The following UBTF variants were observed in gnomAD, a reference collection of about 807,000 sequenced individuals.
The protein encoded by UBTF is nucleolar transcription factor 1.
UBTF carries 8 observed loss-of-function variants against 112.3 expected under a neutral mutation model. The observed-to-expected ratio is 0.07, with a 90% CI of 0.04 to 0.13. The LOEUF is 0.13. UBTF is among the 10% of genes least tolerant of loss of function. The probability of loss-of-function intolerance (pLI) is 1.00; values close to 1 mark genes in which losing one functional copy is unlikely to be tolerated. For synonymous variants in UBTF, 417 were observed against 373.1 expected (o/e 1.12, Z -1.36); for missense variants, 457 against 982.1 (o/e 0.47, Z 7.15).
At chr17:44,216,476 C>G (rs1354844435) in intron 3 of UBTF, 53 bp downstream of exon 3, 1 of 1,598,298 alleles carries the variant, frequency 6.3e-7, no homozygotes, top group Non-Finnish European at 8.6e-7. Context: ...TCACTTCCCC[C>G]ACCACGCTGA....
At position 44,213,285 on chromosome 17, in the gene UBTF, G is replaced by A; in HGVS notation, c.475-3C>T. ...TGGAAGTCCTGAATATATTTCATCT[G>A]GGGGGAGGAGGGGATGGGGTCACTC... is the stretch of plus-strand genomic sequence containing the variant. On this transcript the variant is annotated splice_region_variant and splice_polypyrimidine_tract_variant and intron_variant, in intron 5 of 20. Transcript: ENST00000436088. 1.9e-6 allele frequency: 3 copies of A among 1,612,766 alleles called. No homozygotes were observed. Among genetic ancestry groups the A allele is most frequent in the Non-Finnish European group, 1.7e-6 (2 of 1,179,360 alleles).
In UBTF at chr17:44,211,867, G is replaced by T. The variant is rs781383220; in HGVS notation, c.905+6C>A. 6.2e-7 allele frequency: 1 copy of T among 1,612,568 alleles called. No homozygotes were observed. The highest frequency in any genetic ancestry group is 8.5e-7 in the Non-Finnish European group (1 of 1,179,722). ...ACTCGCCCACCCATCCCAGGGCAGC[G>T]CTCACGGAGGTGGCTTGGTGGGTCG... On this transcript the variant is annotated splice_donor_region_variant and intron_variant, in intron 9 of 20. Transcript: ENST00000436088. This position sits in a 1 kb window ranked among gnomAD's most constrained non-coding sequence, Gnocchi z 4.9.
chr17:44,210,717 G>A, intron 13 of UBTF, 75 bp downstream of exon 13: 1 of 1,533,440 alleles, frequency 6.5e-7, no homozygotes, highest in Admixed American at 2.0e-5. Flanking sequence ...GGGGCGAGGT[G>A]GCACGGCCCG....
chr17:44,220,446 C>T (rs1047802703), upstream of UBTF, among the ~76,000 whole-genome samples: 1 of 152,026 alleles, frequency 6.6e-6, no homozygotes, highest in Admixed American at 6.5e-5. Flanking sequence ...CCGATCGCGG[C>T]GTCCAGCTTC....
chr17:44,216,064 T>C (rs777069793), intron 3 of UBTF, 75 bp from the exon 4 acceptor site: 783 of 1,195,800 alleles, frequency 6.5e-4, no homozygotes, highest in Non-Finnish European at 9.3e-4. Flanking sequence ...CCCCATCTTA[T>C]AACGGGTCTC....
chr17:44,216,017 GA>G (rs1342184891), intron 3 of UBTF, 28 bp from the exon 4 acceptor site: 5 of 1,591,566 alleles, frequency 3.1e-6, no homozygotes, highest in Admixed American at 3.3e-5. Flanking sequence ...GGAGGAAGGG[GA>G]AGTTGGGAAA....
chr17:44,207,002 C>T lies in UBTF; in HGVS notation c.*240G>A. On this transcript the variant is annotated 3_prime_UTR_variant, in exon 21 of 21. Transcript: ENST00000436088. ...CAGGCTGGTCCGGTGCTGGCTTAGTCTGATAGTTGCTGTCCCTGGAGGAGG... is the reference window on the plus strand; with the variant it reads ...CAGGCTGGTCCGGTGCTGGCTTAGTTTGATAGTTGCTGTCCCTGGAGGAGG... 1.7e-6 allele frequency: 1 copy of T among 580,256 alleles called. No homozygotes were observed. The highest frequency in any genetic ancestry group is 3.0e-6 in the Non-Finnish European group (1 of 330,716). The allele number at this position is 580,256 out of a possible 1,614,324, so 35.9% of individuals were successfully genotyped here.
rs140353172 is a variant in UBTF, at chr17:44,205,799, A to G, written c.*1443T>C. ...AGAACCCCCCAAATTTAGTCAACAA[A>G]AAAATAAGAACTACAGAGATAAGGT... On this transcript the variant is annotated 3_prime_UTR_variant, in exon 21 of 21. Transcript: ENST00000436088. The G allele has an allele frequency of 6.6e-6, 1 of 152,238 alleles. No homozygotes were observed. Among genetic ancestry groups the G allele is most frequent in the African/African-American group, 2.4e-5 (1 of 41,456 alleles). The allele number at this position is 152,238 out of a possible 1,614,324, so 9.4% of individuals were successfully genotyped here.
chr17:44,217,892 G>C (rs751695149), intron 2 of UBTF, among the ~76,000 whole-genome samples: 5 of 152,154 alleles, frequency 3.3e-5, no homozygotes, highest in Non-Finnish European at 5.9e-5. Context: ...CACTGGGCTG[G>C]GACACACTTC....
Position 44,210,450 on chromosome 17 carries a change from C to T in UBTF, c.1383G>A (p.Ala461=), listed in dbSNP as rs756576436. 30 of 1,612,114 alleles carry T rather than the reference C, an allele frequency of 1.9e-5. No homozygotes were observed. The highest frequency in any genetic ancestry group is 2.5e-5 in the Non-Finnish European group (29 of 1,179,802). The change falls in exon 14 of 21, where the codon GCG becomes GCA. Residue 461 remains alanine, a synonymous_variant. Coordinates refer to ENST00000436088, the MANE Select transcript of UBTF (RefSeq NM_014233.4). ...TCCTCTCCGACTGAGCCTTGAGCGC[C>T]GCCTCTCGGGCCTTGTACTTGGCCT... The part of the protein sequence containing the change: ...KKKAKYKARE[A]ALKAQSERKP...
chr17:44,214,750 C>G (rs1202224112), intron 5 of UBTF, among the ~76,000 whole-genome samples: 1 of 152,198 alleles, frequency 6.6e-6, no homozygotes, highest in South Asian at 2.1e-4. Flanking sequence ...CCAGTGCCCC[C>G]TTTTGAGAAC....
intron 15 of UBTF, 95 bp from the exon 16 acceptor site, chr17:44,209,828 T>C: frequency 7.4e-7 from 1 of 1,350,162 alleles, no homozygotes; most frequent in South Asian, 1.3e-5. Context: ...TGGCTGTCTT[T>C]TTCTGTGCCA....
At chr17:44,218,373 G>A (rs2046952446) in intron 1 of UBTF, 77 bp from the exon 2 acceptor site, 3 of 796,208 alleles carry the variant, frequency 3.8e-6, no homozygotes, top group East Asian at 5.2e-5. Context: ...GCCCAGAGTA[G>A]AAGGGGGCAG....
Position 44,209,364 on chromosome 17 carries a change from G to A in UBTF, c.1893C>T (p.Asp631=), listed in dbSNP as rs1567791086. The change falls in exon 17 of 21, where the codon GAC becomes GAT. Residue 631 remains aspartate (D), a synonymous_variant. Coordinates refer to ENST00000436088, the MANE Select transcript of UBTF (RefSeq NM_014233.4). ...CTTGCCCTCTCACCTTAACCCAGAG[G>A]TCCAGGTGCACCTTGTACTGCTTTT... ...EQQKQYKVHL[D]LWVKSLSPQD... 9 of 1,604,614 alleles carry A rather than the reference G, an allele frequency of 5.6e-6. No homozygotes were observed. Among genetic ancestry groups the A allele is most frequent in the Middle Eastern group, 1.7e-4 (1 of 5,832 alleles).
chr17:44,209,330 C>T, intron 17 of UBTF, 22 bp downstream of exon 17: 2 of 1,570,358 alleles, frequency 1.3e-6, no homozygotes, highest in Non-Finnish European at 1.7e-6. Context: ...CTGTTCCTTC[C>T]AAGGGTCCCT....
At chr17:44,213,477 G>A in intron 5 of UBTF, 195 bp from the exon 6 acceptor site, 4 of 558,314 alleles carry the variant, frequency 7.2e-6, no homozygotes, top group Non-Finnish European at 9.4e-6. Flanking sequence ...ACAGATGGTG[G>A]GAGCTGCAGG....
intron 2 of UBTF, 136 bp from the exon 3 acceptor site, chr17:44,216,840 A>C: frequency 1.2e-6 from 1 of 823,422 alleles, no homozygotes; most frequent in Non-Finnish European, 2.0e-6. Context: ...GGCACAGACA[A>C]GATATGGCTC....
At chr17:44,208,054 T>C in intron 17 of UBTF, 143 bp from the exon 18 acceptor site, 1 of 890,314 alleles carries the variant, frequency 1.1e-6, no homozygotes, top group Non-Finnish European at 1.7e-6. Context: ...ATTTTGGGTC[T>C]CTGCAGAGAG....
chr17:44,219,537 G>A lies in UBTF; in HGVS notation c.-160C>T. ...CTCCCCCGCTCGGCCGGGCACAGCC[G>A]CAGCTCCCTCCCGCGGCGGCAGCGG... On this transcript the variant is annotated 5_prime_UTR_variant, in exon 1 of 21. Transcript: ENST00000436088. 1 of 154,632 alleles carries A rather than the reference G, an allele frequency of 6.5e-6. No homozygotes were observed. The highest frequency in any genetic ancestry group is 1.4e-5 in the Non-Finnish European group (1 of 69,884). The allele number at this position is 154,632 out of a possible 1,614,324, so 9.6% of individuals were successfully genotyped here. A position where few individuals can be genotyped will look rare whatever the true frequency, so the allele number is the denominator to read the frequency against.
Sources: gnomAD v4.1 joint callset for allele counts (sites outside exome capture counted in the v4.1 genomes callset) on GRCh38, gnomAD v4.1.1 for gene constraint, Gnocchi (gnomAD v3.1) non-coding constraint, MANE v1.5 for transcripts, NCBI Gene and HGNC (gene_info 2026-07-23, HGNC 2026-07-21) for gene names.